The following ASIC2 variants were observed in gnomAD, a reference collection of about 807,000 sequenced individuals.
ASIC2 encodes the protein acid sensing ion channel subunit 2, also known as acid-sensing ion channel 2.
A neutral mutation model predicts 57.3 loss-of-function variants in ASIC2; 25 were observed. The ratio of observed to expected loss-of-function variants is 0.44; its 90% confidence interval spans 0.32 to 0.61. ASIC2 has a LOEUF of 0.61. ASIC2 is among the 20% of genes least tolerant of loss of function. ASIC2 has a pLI of 0.06. For missense variants in ASIC2, 641 were observed against 738.1 expected (o/e 0.87, Z 1.52); for synonymous variants, 319 against 307.5 (o/e 1.04, Z -0.39).
At chr17:33,918,360 C>A (rs953988985) in intron 1 of ASIC2, among the ~76,000 whole-genome samples, 6 of 152,142 alleles carry the variant, frequency 3.9e-5, no homozygotes, top group African/African-American at 1.2e-4. Flanking sequence ...ATTGTAAAGT[C>A]TCTTATTGTT....
At chr17:33,205,985 T>C (rs1274787620) in intron 1 of ASIC2, among the ~76,000 whole-genome samples, 3 of 152,178 alleles carry the variant, frequency 2.0e-5, no homozygotes, top group Non-Finnish European at 2.9e-5. Flanking sequence ...CACTAAATTA[T>C]GATTGATGTT....
intron 1 of ASIC2, among the ~76,000 whole-genome samples, chr17:33,655,773 A>G (rs766648991): frequency 1.3e-5 from 2 of 152,220 alleles, no homozygotes; most frequent in African/African-American, 2.4e-5. Context: ...ATGAACCATG[A>G]TGCAATAAAT....
chr17:33,122,288 T>C (rs2092305384), intron 1 of ASIC2, among the ~76,000 whole-genome samples: 1 of 152,198 alleles, frequency 6.6e-6, no homozygotes, highest in African/African-American at 2.4e-5. Flanking sequence ...CCAGACACTC[T>C]GGGATGTGGC....
chr17:33,796,823 C>T (rs540371126), intron 1 of ASIC2, among the ~76,000 whole-genome samples: 1 of 152,312 alleles, frequency 6.6e-6, no homozygotes, highest in East Asian at 1.9e-4. Context: ...GAACCCTGAG[C>T]TCCAGGCTTG....
chr17:33,681,206 G>T (rs531250007), intron 1 of ASIC2, among the ~76,000 whole-genome samples: 2 of 152,316 alleles, frequency 1.3e-5, no homozygotes, highest in South Asian at 4.1e-4. Flanking sequence ...GGAGCATCTG[G>T]TTGGCCTATG....
At chr17:33,602,882 C>A (rs970927121) in intron 1 of ASIC2, among the ~76,000 whole-genome samples, 2 of 152,212 alleles carry the variant, frequency 1.3e-5, no homozygotes, top group African/African-American at 4.8e-5. Flanking sequence ...ATTCTTTCTA[C>A]CTTGTACCTT....
intron 1 of ASIC2, among the ~76,000 whole-genome samples, chr17:34,125,374 A>G (rs1472845618): frequency 1.3e-5 from 2 of 152,182 alleles, no homozygotes. Flanking sequence ...ATGATGAAAC[A>G]TCATAATCTT....
intron 1 of ASIC2, among the ~76,000 whole-genome samples, chr17:33,766,197 A>G (rs950416751): frequency 2.6e-5 from 4 of 152,228 alleles, no homozygotes; most frequent in Admixed American, 6.5e-5. Flanking sequence ...GTATATTGTT[A>G]TAGTTGTTCT....
intron 1 of ASIC2, among the ~76,000 whole-genome samples, chr17:33,653,418 C>A (rs1169707191): frequency 1.3e-5 from 2 of 152,180 alleles, no homozygotes; most frequent in Admixed American, 6.5e-5. Context: ...TATAACACAT[C>A]TAAAAATTTT....
chr17:34,133,829 C>T (rs910122635), intron 1 of ASIC2, among the ~76,000 whole-genome samples: 5 of 152,176 alleles, frequency 3.3e-5, no homozygotes, highest in African/African-American at 9.7e-5. Context: ...AGTTTTGCCC[C>T]TCAGGAGATA....
At chr17:33,214,775 A>G (rs1907414851) in intron 1 of ASIC2, among the ~76,000 whole-genome samples, 1 of 152,216 alleles carries the variant, frequency 6.6e-6, no homozygotes, top group Non-Finnish European at 1.5e-5. Flanking sequence ...GAGCTCAAGA[A>G]GAAGGAAACT....
intron 1 of ASIC2, among the ~76,000 whole-genome samples, chr17:33,212,075 C>T (rs1425446501): frequency 6.6e-6 from 1 of 152,132 alleles, no homozygotes; most frequent in Non-Finnish European, 1.5e-5. Flanking sequence ...GATGGGACTC[C>T]CTGTCTGTCT....
intron 1 of ASIC2, among the ~76,000 whole-genome samples, chr17:33,198,690 A>G (rs1906737707): frequency 6.6e-6 from 1 of 152,208 alleles, no homozygotes; most frequent in Non-Finnish European, 1.5e-5. Context: ...GGGGAAAAAA[A>G]GGACTCATTC....
At chr17:34,002,022 T>C (rs903162354) in intron 1 of ASIC2, 2 of 152,264 alleles carry the variant, frequency 1.3e-5, no homozygotes, top group Non-Finnish European at 2.9e-5. Context: ...TCTTACTCTG[T>C]TCTACTCACA....
chr17:34,054,116 TC>T (rs1908673483), intron 1 of ASIC2, among the ~76,000 whole-genome samples: 1 of 152,250 alleles, frequency 6.6e-6, no homozygotes, highest in Non-Finnish European at 1.5e-5. Flanking sequence ...GAATACTAAC[TC>T]TGTAAATAAT....
intron 1 of ASIC2, among the ~76,000 whole-genome samples, chr17:33,346,150 C>G (rs1907933363): frequency 7.2e-6 from 1 of 139,686 alleles, no homozygotes. Context: ...TTGCTTGAAC[C>G]TGGGAGGCGG....
chr17:34,047,811 A>G (rs1173086405), intron 1 of ASIC2, among the ~76,000 whole-genome samples: 1 of 152,188 alleles, frequency 6.6e-6, no homozygotes, highest in Non-Finnish European at 1.5e-5. Flanking sequence ...AAGTCAGTCA[A>G]TATTCTAGGA....
intron 1 of ASIC2, among the ~76,000 whole-genome samples, chr17:33,618,621 T>C (rs996084388): frequency 6.6e-6 from 1 of 152,206 alleles, no homozygotes; most frequent in Non-Finnish European, 1.5e-5. Context: ...TGCTGCCACT[T>C]ACGCTGTGGA....
intron 1 of ASIC2, chr17:33,794,530 G>C (rs1429020646): frequency 6.6e-6 from 1 of 152,158 alleles, no homozygotes; most frequent in African/African-American, 2.4e-5. Context: ...TGTAGTGTGG[G>C]GGTTGTAGAG....
Sources: allele counts gnomAD v4.1 joint callset (sites outside exome capture counted in the v4.1 genomes callset), GRCh38; gene constraint gnomAD v4.1.1; transcripts MANE v1.5; gene names NCBI Gene and HGNC (gene_info 2026-07-23, HGNC 2026-07-21).